Variants in SLC71A2 observed in about 807,000 individuals in gnomAD.
The protein encoded by SLC71A2 is hippocampus abundant transcript-like 1.
chr9:94,394,907 C>CTTT, the SLC71A2 span, among the ~76,000 whole-genome samples: 1 of 95,852 alleles, frequency 1.0e-5, no homozygotes, highest in African/African-American at 3.9e-5. Flanking sequence ...TGTGGCAGTA[C>CTTT]TTTTTTTGTT....
the SLC71A2 span, chr9:94,375,011 C>G: frequency 1.1e-6 from 1 of 900,642 alleles, no homozygotes; most frequent in Non-Finnish European, 1.4e-6. Flanking sequence ...CCCGCCGCTC[C>G]GGGCAGGGGC....
the SLC71A2 span, chr9:94,460,779 G>T: frequency 1.3e-5 from 2 of 152,460 alleles, no homozygotes; most frequent in Non-Finnish European, 2.9e-5. Flanking sequence ...ATAAAGGATT[G>T]TGTACTGACT....
At chr9:94,406,147 A>G in the SLC71A2 span, among the ~76,000 whole-genome samples, 2 of 130,706 alleles carry the variant, frequency 1.5e-5, no homozygotes, top group African/African-American at 3.0e-5. Context: ...AGCTCACTGC[A>G]AACTTGAACT....
the SLC71A2 span, among the ~76,000 whole-genome samples, chr9:94,444,704 AGGGTATCTCCAGT>A: frequency 6.6e-6 from 1 of 152,224 alleles, no homozygotes; most frequent in Non-Finnish European, 1.5e-5. Flanking sequence ...GTAGCTCTGC[AGGGTATCTCCAGT>A]TAATAGTTTA....
At chr9:94,411,039 C>T in the SLC71A2 span, among the ~76,000 whole-genome samples, 22 of 152,318 alleles carry the variant, frequency 1.4e-4, no homozygotes, top group South Asian at 6.2e-4. Context: ...TGAGCCACTG[C>T]ACCTGGCAAA....
At chr9:94,447,026 G>A in the SLC71A2 span, 2 of 691,872 alleles carry the variant, frequency 2.9e-6, no homozygotes, top group South Asian at 1.8e-5. Flanking sequence ...CCACTGCAGA[G>A]GAAAAAACAT....
At chr9:94,427,190 T>C in the SLC71A2 span, among the ~76,000 whole-genome samples, 47,026 of 152,136 alleles carry the variant, frequency 0.31, 7,604 homozygotes, top group Admixed American at 0.44. Context: ...GAATATATGT[T>C]TTATTTACAA....
At chr9:94,381,190 C>G in the SLC71A2 span, among the ~76,000 whole-genome samples, 1 of 143,490 alleles carries the variant, frequency 7.0e-6, no homozygotes, top group Non-Finnish European at 1.5e-5. Context: ...GCATGCGCCA[C>G]CATGCCAGGC....
the SLC71A2 span, among the ~76,000 whole-genome samples, chr9:94,420,994 A>C: frequency 6.6e-6 from 1 of 152,126 alleles, no homozygotes; most frequent in South Asian, 2.1e-4. Context: ...TATAGTTAGA[A>C]AAACCAGTGG....
chr9:94,438,532 A>C, the SLC71A2 span: 5 of 1,605,242 alleles, frequency 3.1e-6, no homozygotes, highest in Admixed American at 1.7e-5. Context: ...GCCCATGGTG[A>C]GTGACTTGGC....
chr9:94,434,987 A>AT, the SLC71A2 span, among the ~76,000 whole-genome samples: 2 of 151,914 alleles, frequency 1.3e-5, no homozygotes, highest in Admixed American at 6.6e-5. Context: ...AGCTTACTCT[A>AT]TTTTTTACTA....
the SLC71A2 span, among the ~76,000 whole-genome samples, chr9:94,422,305 T>A: frequency 6.6e-6 from 1 of 152,272 alleles, no homozygotes; most frequent in Middle Eastern, 3.4e-3. Flanking sequence ...TTTTGCTTTG[T>A]GTCCTTTTGC....
the SLC71A2 span, among the ~76,000 whole-genome samples, chr9:94,376,493 A>C: frequency 6.6e-6 from 1 of 151,472 alleles, no homozygotes; most frequent in Non-Finnish European, 1.5e-5. Context: ...TGCTGTCCTT[A>C]ATTTTTTTCA....
chr9:94,438,623 C>T, the SLC71A2 span: 1,295 of 1,515,926 alleles, frequency 8.5e-4, 1 homozygote, highest in Middle Eastern at 1.1e-3. Flanking sequence ...TATTACAAAG[C>T]AGTTGTGCTT....
chr9:94,458,806 T>C, the SLC71A2 span, among the ~76,000 whole-genome samples: 1 of 152,226 alleles, frequency 6.6e-6, no homozygotes, highest in African/African-American at 2.4e-5. Context: ...ATTTGAAATT[T>C]CTTCCCTTGT....
At chr9:94,386,078 G>A in the SLC71A2 span, among the ~76,000 whole-genome samples, 2 of 152,180 alleles carry the variant, frequency 1.3e-5, no homozygotes, top group African/African-American at 4.8e-5. Flanking sequence ...CTTAGTGATA[G>A]TAAGTCTTCC....
chr9:94,456,176 A>G, the SLC71A2 span: 1 of 1,124,984 alleles, frequency 8.9e-7, no homozygotes, highest in Admixed American at 1.9e-5. Flanking sequence ...CACTGATTGC[A>G]TTCCGAATAG....
the SLC71A2 span, chr9:94,447,059 A>G: frequency 1.7e-6 from 1 of 579,472 alleles, no homozygotes; most frequent in South Asian, 2.4e-5. Context: ...CTAGTTACAA[A>G]TGTAGGTGCT....
the SLC71A2 span, among the ~76,000 whole-genome samples, chr9:94,387,515 G>T: frequency 6.6e-6 from 1 of 151,964 alleles, no homozygotes; most frequent in Non-Finnish European, 1.5e-5. Context: ...CAATTCTCAT[G>T]ATAGTTTTGA....
Sources: allele counts gnomAD v4.1 joint callset (sites outside exome capture counted in the v4.1 genomes callset), GRCh38; gene constraint gnomAD v4.1.1; transcripts MANE v1.5; gene names NCBI Gene and HGNC (gene_info 2026-07-23, HGNC 2026-07-21).